The following DMD variants were observed in gnomAD, a reference collection of about 807,000 sequenced individuals.
DMD encodes mutant dystrophin.
In DMD, 63 loss-of-function variants were observed where a neutral mutation model predicts 330.1. The observed-to-expected ratio is 0.19, with a 90% CI of 0.16 to 0.24. The LOEUF (loss-of-function observed/expected upper bound fraction) is 0.24, where lower values mean the gene tolerates loss of function less well. DMD is among the 10% of genes least tolerant of loss of function. The pLI, the probability that DMD is intolerant of heterozygous loss-of-function variation, is 1.00. For missense variants in DMD, 3,344 were observed against 2,684.1 expected (o/e 1.25, Z -5.43); for synonymous variants, 1,223 against 959.8 (o/e 1.27, Z -5.07).
chrX:32,310,854 G>C (rs1481710420), intron 41 of DMD, among the ~76,000 whole-genome samples: 1 of 110,719 alleles, frequency 9.0e-6, no homozygotes, highest in Non-Finnish European at 1.9e-5. Context: ...GCTAAGTTAA[G>C]CTGCTAATGA....
intron 60 of DMD, chrX:31,435,796 G>A (rs941001192): frequency 1.8e-5 from 2 of 111,654 alleles, no homozygotes; most frequent in African/African-American, 3.3e-5. Flanking sequence ...CACATGCAGC[G>A]CAGCGGGGCA....
intron 60 of DMD, among the ~76,000 whole-genome samples, chrX:31,439,728 C>T (rs1451897429): frequency 3.6e-5 from 4 of 111,891 alleles, no homozygotes; most frequent in African/African-American, 1.3e-4. Context: ...CCTTTATATA[C>T]TACTTGCGCT....
chrX:31,707,200 A>G (rs2084265549), intron 52 of DMD, among the ~76,000 whole-genome samples: 1 of 109,647 alleles, frequency 9.1e-6, no homozygotes, highest in South Asian at 3.9e-4. Context: ...TCATTATTCT[A>G]TTTACTTTGA....
intron 1 of DMD, among the ~76,000 whole-genome samples, chrX:33,062,853 T>C (rs1047701953): frequency 5.3e-5 from 6 of 112,538 alleles, no homozygotes; most frequent in Admixed American, 3.8e-4. Context: ...AATATGAAGC[T>C]TTAATGCACC....
At chrX:31,279,842 G>T (rs2147874288) in intron 62 of DMD, among the ~76,000 whole-genome samples, 1 of 112,721 alleles carries the variant, frequency 8.9e-6, no homozygotes, top group Non-Finnish European at 1.9e-5. Context: ...TTGGTCTATG[G>T]CCTGCTTCTG....
intron 9 of DMD, among the ~76,000 whole-genome samples, chrX:32,666,229 G>T (rs141820042): frequency 0.01 from 1,134 of 110,856 alleles, 16 homozygotes; most frequent in African/African-American, 0.036. Flanking sequence ...TGGGATACAT[G>T]TGCAGAACGT....
chrX:32,793,493 A>T (rs2075969199), intron 7 of DMD, among the ~76,000 whole-genome samples: 1 of 110,788 alleles, frequency 9.0e-6, no homozygotes, highest in Non-Finnish European at 1.9e-5. Flanking sequence ...ATGAAATGAG[A>T]AGTTTGATTT....
chrX:32,657,117 T>C (rs934164812), intron 9 of DMD, among the ~76,000 whole-genome samples: 1 of 110,549 alleles, frequency 9.0e-6, no homozygotes, highest in Non-Finnish European at 1.9e-5. Flanking sequence ...TTTTATATTT[T>C]ATTCCTTTAT....
chrX:31,153,795 C>G (rs1321979187), intron 74 of DMD, among the ~76,000 whole-genome samples: 2 of 111,945 alleles, frequency 1.8e-5, no homozygotes, highest in East Asian at 5.6e-4. Flanking sequence ...CAATAGCAAA[C>G]TTGATTTTGA....
chrX:31,200,576 G>A (rs760032699), intron 67 of DMD, among the ~76,000 whole-genome samples: 7 of 112,125 alleles, frequency 6.2e-5, no homozygotes, highest in Non-Finnish European at 1.3e-4. Flanking sequence ...CAAATGGTAA[G>A]GAGAAGCTGT....
chrX:33,050,412 A>AT (rs1441104789), intron 1 of DMD, among the ~76,000 whole-genome samples: 23 of 111,631 alleles, frequency 2.1e-4, no homozygotes, highest in South Asian at 7.5e-4. Context: ...ATTAAACTAG[A>AT]TTTTTTTTAA....
chrX:33,003,058 G>A (rs1013048936), intron 2 of DMD, among the ~76,000 whole-genome samples: 3 of 109,199 alleles, frequency 2.7e-5, no homozygotes, highest in Non-Finnish European at 5.7e-5. Flanking sequence ...AAGTTCTTTA[G>A]TGGTGATTTC....
chrX:31,194,665 A>T (rs187624530), intron 67 of DMD, among the ~76,000 whole-genome samples: 157 of 112,183 alleles, frequency 1.4e-3, no homozygotes, highest in Non-Finnish European at 2.3e-3. Context: ...TTGTGCTTGA[A>T]ATGTTTCCAA....
At chrX:33,115,474 T>C (rs1002705985) in intron 1 of DMD, among the ~76,000 whole-genome samples, 1 of 110,312 alleles carries the variant, frequency 9.1e-6, no homozygotes, top group Admixed American at 9.7e-5. Context: ...CCTAAACTAC[T>C]GATAAATATG....
chrX:32,156,948 C>T (rs398124019), intron 44 of DMD, among the ~76,000 whole-genome samples: 193 of 111,700 alleles, frequency 1.7e-3, no homozygotes, highest in African/African-American at 6.0e-3. Flanking sequence ...AAGCAATCTC[C>T]GCCAAGCGCC....
chrX:32,576,375 T>A (rs1192851849), intron 13 of DMD, among the ~76,000 whole-genome samples: 1 of 111,164 alleles, frequency 9.0e-6, no homozygotes, highest in Non-Finnish European at 1.9e-5. Context: ...CAGTTTTTCT[T>A]TGGCATATTT....
chrX:32,383,000 T>C (rs2097935324), intron 33 of DMD, among the ~76,000 whole-genome samples: 1 of 111,096 alleles, frequency 9.0e-6, no homozygotes, highest in African/African-American at 3.3e-5. Context: ...GTTAACAATG[T>C]ATTTAAGGGA....
rs754495983 is a variant in DMD, at chrX:31,908,896, A to G, written c.6912+20700T>C. Among the ~76,000 whole-genome samples, 59 of 111,565 alleles carry G rather than the reference A, an allele frequency of 5.3e-4. 1 individual carries two copies. Among genetic ancestry groups the G allele is most frequent in the African/African-American group, 1.9e-3 (59 of 30,696 alleles). The stretch of plus-strand genomic sequence containing the variant: ...AGATAGCCCCAAGCAAAGAGATGCA[A>G]GTACAGGAAGTTGGAAATTAAGAAG... On this transcript the variant is annotated intron_variant, in intron 47 of 78. Transcript: ENST00000357033.
At chrX:32,474,204 T>TACACACACACACACAC (rs1389594342) in intron 21 of DMD, among the ~76,000 whole-genome samples, 202 of 37,640 alleles carry the variant, frequency 5.4e-3, no homozygotes, top group African/African-American at 8.8e-3. Context: ...TATACATACA[T>TACACACACACACACAC]ACATACACAC....
Sources: gnomAD v4.1 joint callset for allele counts (sites outside exome capture counted in the v4.1 genomes callset) on GRCh38, gnomAD v4.1.1 for gene constraint, MANE v1.5 for transcripts, NCBI Gene and HGNC (gene_info 2026-07-23, HGNC 2026-07-21) for gene names.